Variants in PEX5L observed in about 807,000 individuals in gnomAD.
PEX5L encodes the protein PEX5-related protein.
A neutral mutation model predicts 84.0 loss-of-function variants in PEX5L; 30 were observed. The ratio of observed to expected loss-of-function variants is 0.36; its 90% CI spans 0.27 to 0.48. The LOEUF (loss-of-function observed/expected upper bound fraction) is 0.48. Among genes scored for constraint, PEX5L ranks in the 20% least tolerant of loss-of-function variants. The pLI is 0.99. For missense variants in PEX5L, 533 were observed against 754.6 expected, an observed-to-expected ratio of 0.71 and a Z score of 3.44; for synonymous variants, 270 against 283.1, an observed-to-expected ratio of 0.95 and a Z score of 0.46.
chr3:179,925,321 G>C (rs938941326), intron 2 of PEX5L, among the ~76,000 whole-genome samples: 1 of 151,864 alleles, frequency 6.6e-6, no homozygotes, highest in Non-Finnish European at 1.5e-5. Context: ...TAGCTCACCC[G>C]TCCATCATGC....
At chr3:179,904,858 C>T (rs1008285702) in intron 2 of PEX5L, among the ~76,000 whole-genome samples, 1 of 152,096 alleles carries the variant, frequency 6.6e-6, no homozygotes, top group African/African-American at 2.4e-5. Flanking sequence ...CCTACTGCTG[C>T]TGTGCTGTCC....
chr3:179,891,351 C>T (rs963455800), intron 3 of PEX5L, among the ~76,000 whole-genome samples: 7 of 152,098 alleles, frequency 4.6e-5, no homozygotes, highest in Non-Finnish European at 1.0e-4. Context: ...CACAATTTAG[C>T]TATTGAGAAA....
At chr3:179,993,200 T>C (rs1299150729) in intron 1 of PEX5L, among the ~76,000 whole-genome samples, 3 of 152,246 alleles carry the variant, frequency 2.0e-5, no homozygotes, top group African/African-American at 7.2e-5. Flanking sequence ...TTGATTTCCA[T>C]TTATCTGATT....
chr3:179,808,934 C>A (rs568724931), intron 12 of PEX5L, among the ~76,000 whole-genome samples: 1 of 151,682 alleles, frequency 6.6e-6, no homozygotes, highest in South Asian at 2.1e-4. Flanking sequence ...ATTAGCCGGG[C>A]GTGTTGGCGG....
chr3:179,973,852 C>T, intron 1 of PEX5L: 1 of 985,366 alleles, frequency 1.0e-6, no homozygotes, highest in Non-Finnish European at 1.2e-6. Context: ...GCATTTAGAG[C>T]TCTGGTTTTG....
intron 2 of PEX5L, among the ~76,000 whole-genome samples, chr3:179,951,198 CT>C (rs1471743929): frequency 6.6e-6 from 1 of 152,156 alleles, no homozygotes; most frequent in African/African-American, 2.4e-5. Flanking sequence ...GCGATAGATG[CT>C]TATTTTCCTT....
At chr3:179,982,687 C>T (rs1273424512) in intron 1 of PEX5L, among the ~76,000 whole-genome samples, 1 of 152,080 alleles carries the variant, frequency 6.6e-6, no homozygotes, top group East Asian at 1.9e-4. Context: ...TACTGAGAGA[C>T]AGAAGAATGA....
At chr3:179,974,629 C>T (rs2110292254) in intron 1 of PEX5L, among the ~76,000 whole-genome samples, 1 of 152,304 alleles carries the variant, frequency 6.6e-6, no homozygotes, top group East Asian at 1.9e-4. Flanking sequence ...TCCTATCTTT[C>T]CACACCATTC....
At chr3:179,863,808 C>G (rs1338435568) in intron 7 of PEX5L, among the ~76,000 whole-genome samples, 1 of 152,102 alleles carries the variant, frequency 6.6e-6, no homozygotes, top group Non-Finnish European at 1.5e-5. Context: ...ACCACATGAT[C>G]CAGCAATTCC....
chr3:179,871,100 C>CTTTTT (rs397801213), intron 7 of PEX5L, among the ~76,000 whole-genome samples: 7 of 95,028 alleles, frequency 7.4e-5, no homozygotes, highest in African/African-American at 1.4e-4. Context: ...TTGAGTTATA[C>CTTTTT]TTTTTTTTTT....
chr3:180,010,202 C>A (rs1462168081), intron 1 of PEX5L, among the ~76,000 whole-genome samples: 1 of 150,238 alleles, frequency 6.7e-6, no homozygotes, highest in Non-Finnish European at 1.5e-5. Context: ...GCCACGGCCT[C>A]CCAAAGTGAT....
chr3:179,919,410 T>C (rs1381038557), intron 2 of PEX5L, among the ~76,000 whole-genome samples: 2 of 152,158 alleles, frequency 1.3e-5, no homozygotes, highest in African/African-American at 4.8e-5. Context: ...ACTTACTCCT[T>C]GTTAGGGGCT....
At chr3:179,915,283 G>T (rs1410757410) in intron 2 of PEX5L, among the ~76,000 whole-genome samples, 1 of 152,216 alleles carries the variant, frequency 6.6e-6, no homozygotes, top group East Asian at 1.9e-4. Flanking sequence ...ATCTTGTGAG[G>T]CAGTGCTGGG....
intron 2 of PEX5L, among the ~76,000 whole-genome samples, chr3:179,940,838 C>G (rs1371788611): frequency 6.6e-6 from 1 of 152,194 alleles, no homozygotes. Flanking sequence ...AAATAAGGAT[C>G]TTCTAGCACG....
In PEX5L at chr3:180,027,032, T is replaced by A. The variant is rs1375182475; in HGVS notation, c.21+9547A>T. ...TGCCCTCCATTTTGAAATAGGATTT[T>A]GGACACAGACAAGTAGCCATGGTAG... On this transcript the variant is annotated intron_variant, in intron 1 of 14. Coordinates refer to ENST00000467460, the MANE Select transcript of PEX5L (RefSeq NM_016559.3). Among the ~76,000 whole-genome samples, 3 of 152,180 alleles carry A rather than the reference T, an allele frequency of 2.0e-5. No homozygotes were observed. The East Asian group carries it at 5.8e-4, about 29-fold the overall frequency.
intron 2 of PEX5L, chr3:179,900,786 CT>C: frequency 7.7e-7 from 1 of 1,295,808 alleles, no homozygotes; most frequent in Non-Finnish European, 1.1e-6. Flanking sequence ...CAACTTTTTT[CT>C]TTACAGCCTT....
intron 2 of PEX5L, among the ~76,000 whole-genome samples, chr3:179,911,430 T>TC (rs371455152): frequency 3.0e-4 from 45 of 151,940 alleles, no homozygotes; most frequent in African/African-American, 1.0e-3. Flanking sequence ...ATCTTTTTTT[T>TC]CTCTAAGTTG....
At chr3:179,866,336 C>T (rs1748134367) in intron 7 of PEX5L, among the ~76,000 whole-genome samples, 1 of 152,150 alleles carries the variant, frequency 6.6e-6, no homozygotes, top group African/African-American at 2.4e-5. Context: ...CCTTGACTGA[C>T]AGAATAACAC....
intron 4 of PEX5L, among the ~76,000 whole-genome samples, chr3:179,885,684 C>T (rs1755633671): frequency 6.6e-6 from 1 of 151,086 alleles, no homozygotes; most frequent in South Asian, 2.1e-4. Flanking sequence ...AATTTGGACA[C>T]AGAGACAGAC....
Sources: allele counts gnomAD v4.1 joint callset (sites outside exome capture counted in the v4.1 genomes callset), GRCh38; gene constraint gnomAD v4.1.1; transcripts MANE v1.5; gene names NCBI Gene and HGNC (gene_info 2026-07-23, HGNC 2026-07-21).